PFKFB4: variants seen among roughly 807,000 people sequenced by gnomAD.
The protein encoded by PFKFB4 is 6-phosphofructo-2-kinase/fructose-2,6-biphosphatase 4.
Under a neutral mutation model 62.8 loss-of-function variants are expected in PFKFB4, and 42 were observed. The observed-to-expected ratio is 0.67, with a 90% CI of 0.52 to 0.86. The LOEUF is 0.86. PFKFB4 is among the 40% of genes least tolerant of loss of function. The pLI is 0.00. For missense variants in PFKFB4, 475 were observed against 627.2 expected, an observed-to-expected ratio of 0.76 and a Z score of 2.59; for synonymous variants, 204 against 240.7, an observed-to-expected ratio of 0.85 and a Z score of 1.41.
intron 1 of PFKFB4, among the ~76,000 whole-genome samples, chr3:48,551,519 CTTTTTTTTTTTTTTTTTTTTTT>C (rs71074260): frequency 3.4e-5 from 1 of 29,080 alleles, no homozygotes; most frequent in Admixed American, 6.2e-4. Flanking sequence ...CTCCAGCCTT[CTTTTTTTTTTTTTTTTTTTTTT>C]TTTTTTTTTT....
chr3:48,540,187 A>G (rs2042756360), intron 4 of PFKFB4, among the ~76,000 whole-genome samples: 1 of 152,224 alleles, frequency 6.6e-6, no homozygotes, highest in South Asian at 2.1e-4. Context: ...TAAAATGGGA[A>G]CAGAAGGATA....
upstream of PFKFB4, chr3:48,559,870 G>A: frequency 3.2e-6 from 1 of 314,912 alleles, no homozygotes; most frequent in Admixed American, 4.4e-5. Context: ...CTACTGGCCA[G>A]TCCTGACAGA....
chr3:48,547,111 AC>A (rs2107572263), intron 3 of PFKFB4, among the ~76,000 whole-genome samples: 1 of 152,000 alleles, frequency 6.6e-6, no homozygotes, highest in East Asian at 1.9e-4. Flanking sequence ...AGTCTTGGGG[AC>A]CCCCTACACA....
Position 48,542,333 on chromosome 3 carries a change from CA to C in PFKFB4, c.378+1246del, listed in dbSNP as rs1229597350. Among the ~76,000 whole-genome samples the C allele has an allele frequency of 4.1e-3, 243 of 58,824 alleles. 1 individual carries two copies. Among genetic ancestry groups the C allele is most frequent in the Admixed American group, 6.9e-3 (38 of 5,476 alleles). 38.6% of individuals were successfully genotyped at this position (58,824 alleles called of 152,430 possible). ...TGGGTGACAGAGCGAGACTCCATCT[CA>C]AAAAAAAAAAAAAAGAAAGAAAGAA... On this transcript the variant is annotated intron_variant, in intron 4 of 13. Coordinates refer to ENST00000232375, the MANE Select transcript of PFKFB4 (RefSeq NM_004567.4).
chr3:48,559,895 CCACCACACACACA>C, upstream of PFKFB4: 1 of 303,532 alleles, frequency 3.3e-6, no homozygotes, highest in Non-Finnish European at 6.4e-6. Context: ...CCAAACCATC[CCACCACACACACA>C]CACACACACA....
chr3:48,527,421 C>T (rs935067353), intron 9 of PFKFB4, among the ~76,000 whole-genome samples: 8 of 151,758 alleles, frequency 5.3e-5, no homozygotes, highest in African/African-American at 1.9e-4. Context: ...GCTGGGACTA[C>T]AGGTGTGCGC....
In PFKFB4 at chr3:48,540,721, C is replaced by T. The variant is rs554384038; in HGVS notation, c.379-950G>A. Among the ~76,000 whole-genome samples, 9 of 152,006 alleles carry T rather than the reference C, an allele frequency of 5.9e-5. No individual in the cohort carries two copies. In the East Asian group the frequency reaches 1.5e-3, roughly 26 times the overall value. ...ACCTCCTGGGCTTAAGTTATTCTTT[C>T]GCCTCAGCCTCCCAAGTAGCTGGGA... is the stretch of plus-strand genomic sequence containing the variant. On this transcript the variant is annotated intron_variant, in intron 4 of 13. Coordinates refer to ENST00000232375, the MANE Select transcript of PFKFB4 (RefSeq NM_004567.4).
At chr3:48,536,729 G>T (rs546059685) in intron 7 of PFKFB4, 2 of 469,336 alleles carry the variant, frequency 4.3e-6, no homozygotes, top group Non-Finnish European at 7.7e-6. Flanking sequence ...CATCCAAAGT[G>T]GGGGGTCCGC....
chr3:48,535,359 G>A lies in PFKFB4; in HGVS notation c.987+153C>T, dbSNP rs1460740560. Among the ~76,000 whole-genome samples, 1 of 152,168 alleles carries A rather than the reference G, an allele frequency of 6.6e-6. No individual in the cohort carries two copies. The highest frequency in any genetic ancestry group is 1.5e-5 in the Non-Finnish European group (1 of 68,040). On this transcript the variant is annotated intron_variant, in intron 9 of 13. Coordinates refer to ENST00000232375, the MANE Select transcript of PFKFB4 (RefSeq NM_004567.4). Reference sequence around the variant, plus strand: ...ACCCAAGGTCCCATCCTGTTAGGCTGCCTTTTCCTCTCTGCTCCCAGCCCC... The same window carrying A: ...ACCCAAGGTCCCATCCTGTTAGGCTACCTTTTCCTCTCTGCTCCCAGCCCC...
rs750888058 is a variant in PFKFB4 at position 48,536,353 on chromosome 3, G to A, written c.743C>T (p.Thr248Ile). 1 of 1,614,114 alleles carries A rather than the reference G, an allele frequency of 6.2e-7. No individual in the cohort carries two copies. Among genetic ancestry groups the A allele is most frequent in the Non-Finnish European group, 8.5e-7 (1 of 1,180,054 alleles). ...IVYYLMNIHV[T>I]PRSIYLCRHG... ...CCGGCAGAGGTAGATGGAGCGGGGG[G>A]TCACGTGGATGTTCATGAGGTAATA... The change falls in exon 8 of 14, where the codon ACC becomes ATC. Residue 248 changes from threonine (T) to isoleucine (I), a missense_variant. By Grantham distance (89) the Thr-to-Ile change is moderately conservative. Coordinates refer to ENST00000232375, the MANE Select transcript of PFKFB4 (RefSeq NM_004567.4).
rs1383666977 is a variant in PFKFB4 at position 48,521,272 on chromosome 3, G to A, written c.1350+714C>T. Among the ~76,000 whole-genome samples the A allele has an allele frequency of 6.6e-6, 1 of 152,164 alleles. No homozygotes were observed. Among genetic ancestry groups the A allele is most frequent in the Non-Finnish European group, 1.5e-5 (1 of 68,010 alleles). ...GCAGTGGCCTCCAGGAACTGGGACCGGGGCTCCCAGAAGTGTAGGTCCTAT... is the reference window on the plus strand; with the variant it reads ...GCAGTGGCCTCCAGGAACTGGGACCAGGGCTCCCAGAAGTGTAGGTCCTAT... On this transcript the variant is annotated intron_variant, in intron 13 of 13. Transcript: ENST00000232375. This position sits in a 1 kb window ranked among gnomAD's most constrained non-coding sequence, Gnocchi z 5.3.
rs1575407289 is a variant in PFKFB4 at position 48,556,572 on chromosome 3, G to A, written c.97+109C>T. On this transcript the variant is annotated intron_variant, in intron 1 of 13. Coordinates refer to ENST00000232375, the MANE Select transcript of PFKFB4 (RefSeq NM_004567.4). This position sits in a 1 kb window ranked among gnomAD's most constrained non-coding sequence, Gnocchi z 5.7. ...AGTCACGGCAACCTCACCTGTCCCC[G>A]GTTCCCCATCTGTCTCCCGCCCCTT... 1.0e-5 allele frequency: 13 copies of A among 1,300,944 alleles called. No individual in the cohort carries two copies. In the South Asian group the frequency reaches 1.7e-4, roughly 17 times the overall value. 80.6% of individuals were successfully genotyped at this position (1,300,944 alleles called of 1,614,324 possible).
chr3:48,530,272 AAAAAT>A (rs760616205), intron 9 of PFKFB4, among the ~76,000 whole-genome samples: 2 of 152,116 alleles, frequency 1.3e-5, no homozygotes, highest in Non-Finnish European at 2.9e-5. Flanking sequence ...ATAAATAAAT[AAAAAT>A]AAAATAAAAT....
At position 48,556,425 on chromosome 3, in the gene PFKFB4, C is replaced by T. The variant is rs2043322860; in HGVS notation, c.97+256G>A. ...AGAGCCCTCCCCGAGGTGATGGTGG[C>T]CAGACCTAGCCACCGCCAAGCCGAT... is the stretch of plus-strand genomic sequence containing the variant. On this transcript the variant is annotated intron_variant, in intron 1 of 13. Coordinates refer to ENST00000232375, the MANE Select transcript of PFKFB4 (RefSeq NM_004567.4). The surrounding 1 kb of genome is among the most constrained non-coding windows in gnomAD (Gnocchi z 5.7). Among the ~76,000 whole-genome samples the T allele has an allele frequency of 6.6e-6, 1 of 152,102 alleles. No homozygotes were observed. Among genetic ancestry groups the T allele is most frequent in the African/African-American group, 2.4e-5 (1 of 41,408 alleles).
chr3:48,554,825 G>T (rs1343300571), intron 1 of PFKFB4, among the ~76,000 whole-genome samples: 1 of 152,150 alleles, frequency 6.6e-6, no homozygotes, highest in East Asian at 1.9e-4. Flanking sequence ...GCCAAGGGGG[G>T]CAGATCATTA....
chr3:48,559,899 CACACACACACACACACA>C, upstream of PFKFB4: 1 of 7,816 alleles, frequency 1.3e-4, no homozygotes, highest in Admixed American at 1.6e-3. Flanking sequence ...ACCATCCCAC[CACACACACACACACACA>C]CACACACACA....
At chr3:48,557,756 C>T (rs2043365943), upstream of PFKFB4, among the ~76,000 whole-genome samples, 1 of 152,088 alleles carries the variant, frequency 6.6e-6, no homozygotes, top group African/African-American at 2.4e-5. Context: ...GGGCTGGTCT[C>T]GAACTCCTGA....
In PFKFB4 at chr3:48,519,187, A is replaced by G. The variant is rs2042009927; in HGVS notation, c.*560T>C. On this transcript the variant is annotated 3_prime_UTR_variant, in exon 14 of 14. Coordinates refer to ENST00000232375, the MANE Select transcript of PFKFB4 (RefSeq NM_004567.4). ...CCTGGCCAGTGGCTGCCCAGGAAGC[A>G]TCTGCTGTGGTTGGGGCTCTAGTTC... The G allele has an allele frequency of 6.6e-6, 1 of 152,530 alleles. No individual in the cohort carries two copies. The highest frequency in any genetic ancestry group is 1.5e-5 in the Non-Finnish European group (1 of 68,260). The allele number at this position is 152,530 out of a possible 1,614,324, so 9.4% of individuals were successfully genotyped here.
rs2042011416 is a variant in PFKFB4, at chr3:48,519,224, GGATGGGAA to G, written c.*515_*522del. Reference sequence around the variant, plus strand: ...TGGGGCTCTAGTTCCTGGTGGGTAAGGATGGGAAGGGCTCTCCCTCTCACCAGAGGCAG... The same window carrying G: ...TGGGGCTCTAGTTCCTGGTGGGTAAGGGGCTCTCCCTCTCACCAGAGGCAG... On this transcript the variant is annotated 3_prime_UTR_variant, in exon 14 of 14. Coordinates refer to ENST00000232375, the MANE Select transcript of PFKFB4 (RefSeq NM_004567.4). The G allele has an allele frequency of 1.3e-5, 2 of 152,846 alleles. No individual in the cohort carries two copies. Among genetic ancestry groups the G allele is most frequent in the Non-Finnish European group, 2.9e-5 (2 of 68,472 alleles). The allele number at this position is 152,846 out of a possible 1,614,324, so 9.5% of individuals were successfully genotyped here.
Sources: allele counts gnomAD v4.1 joint callset (sites outside exome capture counted in the v4.1 genomes callset), GRCh38; gene constraint gnomAD v4.1.1; non-coding constraint Gnocchi (gnomAD v3.1); transcripts MANE v1.5; gene names NCBI Gene and HGNC (gene_info 2026-07-23, HGNC 2026-07-21).